Variants in TRIM39 observed in about 807,000 individuals in gnomAD.
The protein encoded by TRIM39 is tripartite motif containing 39.
Under a neutral mutation model 53.6 loss-of-function variants are expected in TRIM39, and 5 were observed. The observed-to-expected ratio is 0.09, with a 90% CI of 0.05 to 0.20. TRIM39 has a LOEUF of 0.20. TRIM39 is among the 10% of genes least tolerant of loss of function. TRIM39 has a pLI of 1.00. For synonymous variants in TRIM39, 196 were observed against 237.6 expected (o/e 0.82, Z 1.61); for missense variants, 310 against 621.0 (o/e 0.50, Z 5.32).
At chr6:30,340,032 A>G in intron 6 of TRIM39, 102 bp downstream of exon 6, 2 of 1,564,132 alleles carry the variant, frequency 1.3e-6, no homozygotes, top group African/African-American at 1.4e-5. Context: ...AAAGTCATGT[A>G]GTGTGTCTGG....
intron 1 of TRIM39, among the ~76,000 whole-genome samples, chr6:30,328,237 C>A (rs1370147536): frequency 4.6e-5 from 7 of 152,230 alleles, no homozygotes; most frequent in African/African-American, 1.7e-4. Flanking sequence ...TTATCAATAG[C>A]TATATTGAAA....
At position 30,342,313 on chromosome 6, in the gene TRIM39, T is replaced by G; in HGVS notation, c.*54T>G. 1 of 1,566,096 alleles carries G rather than the reference T, an allele frequency of 6.4e-7. No individual in the cohort carries two copies. Among genetic ancestry groups the G allele is most frequent in the South Asian group, 1.2e-5 (1 of 85,448 alleles). The stretch of plus-strand genomic sequence containing the variant: ...GAGGCAGGGTCAAGTGCTACGGGCC[T>G]CCTTCCCGTGTCCTGCTGGAACGTC... On this transcript the variant is annotated 3_prime_UTR_variant, in exon 8 of 8. Coordinates refer to ENST00000396551, the Ensembl canonical transcript of TRIM39. This position sits in a 1 kb window ranked among gnomAD's most constrained non-coding sequence, Gnocchi z 4.7.
chr6:30,329,291 T>A lies in TRIM39; in HGVS notation c.-7-20T>A. ...CCAATTAATATTTTTATTTTCTCTGTCCTCTTCCCCACTCCCAAGTTAAAT... is the reference window on the plus strand; with the variant it reads ...CCAATTAATATTTTTATTTTCTCTGACCTCTTCCCCACTCCCAAGTTAAAT... On this transcript the variant is annotated intron_variant, in intron 2 of 7. Coordinates refer to ENST00000396551, the Ensembl canonical transcript of TRIM39. 1 of 1,589,984 alleles carries A rather than the reference T, an allele frequency of 6.3e-7. No individual in the cohort carries two copies. The highest frequency in any genetic ancestry group is 8.6e-7 in the Non-Finnish European group (1 of 1,169,286).
rs1786790335 is a variant in TRIM39 at position 30,335,884 on chromosome 6, C to T, written c.689C>T (p.Ala230Val). 6.2e-7 allele frequency: 1 copy of T among 1,613,082 alleles called. No homozygotes were observed. The highest frequency in any genetic ancestry group is 1.3e-5 in the African/African-American group (1 of 75,052). Reference sequence around the variant, plus strand: ...ATTCTGCAGCGACTCCGAGAAAATGCTGCTCACCTTGGGGACAAGCGCCGG... The same window carrying T: ...ATTCTGCAGCGACTCCGAGAAAATGTTGCTCACCTTGGGGACAAGCGCCGG... The change falls in exon 5 of 8, where the codon GCT becomes GTT. Residue 230 changes from alanine (A) to valine (V), a missense_variant. This residue lies in a region of TRIM39 where 161 missense variants were observed against 210.0 expected (regional missense o/e 0.77). Coordinates refer to ENST00000396551, the Ensembl canonical transcript of TRIM39. This position sits in a 1 kb window ranked among gnomAD's most constrained non-coding sequence, Gnocchi z 4.7.
At chr6:30,329,446 G>A (rs1304863822) in exon 3 of TRIM39, 3 of 1,612,968 alleles carry the variant, frequency 1.9e-6, no homozygotes, top group Non-Finnish European at 2.5e-6. Context: ...TCATCATTGA[G>A]TGTGGGCACA....
intron 7 of TRIM39, 127 bp from the exon 8 acceptor site, chr6:30,341,585 A>G: frequency 7.1e-7 from 1 of 1,408,466 alleles, no homozygotes; most frequent in South Asian, 1.4e-5. Context: ...GAGAAAGTTA[A>G]CCAAACCAGG....
chr6:30,339,837 G>A lies in TRIM39; in HGVS notation c.781-71G>A. ...TATAGCTGTGGAACTTTGGGGAGGA[G>A]GGGGAACCTTTTGCCTTCAGGACCA... On this transcript the variant is annotated intron_variant, in intron 5 of 7. Transcript: ENST00000396551. This position sits in a 1 kb window ranked among gnomAD's most constrained non-coding sequence, Gnocchi z 4.2. 3 of 1,605,132 alleles carry A rather than the reference G, an allele frequency of 1.9e-6. No homozygotes were observed. The highest frequency in any genetic ancestry group is 2.6e-6 in the Non-Finnish European group (3 of 1,173,270).
intron 4 of TRIM39, among the ~76,000 whole-genome samples, chr6:30,331,975 A>T (rs1460636112): frequency 6.6e-6 from 1 of 152,218 alleles, no homozygotes; most frequent in Non-Finnish European, 1.5e-5. Flanking sequence ...CTTAGAGTTC[A>T]GGCCAAATTG....
chr6:30,341,520 C>G, intron 7 of TRIM39, 192 bp from the exon 8 acceptor site: 5 of 861,324 alleles, frequency 5.8e-6, no homozygotes, highest in Non-Finnish European at 9.6e-6. Flanking sequence ...ACTTTAGGGT[C>G]AGGGTGAGAA....
intron 1 of TRIM39, chr6:30,327,835 T>G (rs2127380995): frequency 6.6e-6 from 1 of 152,336 alleles, no homozygotes; most frequent in Non-Finnish European, 1.5e-5. Context: ...TCCAAAGAAG[T>G]TATCAGTTCC....
chr6:30,340,662 A>G (rs1003454172), intron 7 of TRIM39, 42 bp downstream of exon 7: 2 of 1,586,510 alleles, frequency 1.3e-6, no homozygotes, highest in African/African-American at 2.7e-5. Context: ...ACCACTAGAG[A>G]GAAGAAAGTT....
Position 30,342,468 on chromosome 6 carries a change from T to G in TRIM39, c.*209T>G. 1 of 608,046 alleles carries G rather than the reference T, an allele frequency of 1.6e-6. No homozygotes were observed. The highest frequency in any genetic ancestry group is 2.9e-6 in the Non-Finnish European group (1 of 346,602). The allele number at this position is 608,046 out of a possible 1,614,324, so 37.7% of individuals were successfully genotyped here. A position where few individuals can be genotyped will look rare whatever the true frequency, so the allele number is the denominator to read the frequency against. ...CACAGCTGTGACTTCCTCCTAACTGTCAGGGTGGGGAGCTGGTTCCCAGAG... is the reference window on the plus strand; with the variant it reads ...CACAGCTGTGACTTCCTCCTAACTGGCAGGGTGGGGAGCTGGTTCCCAGAG... On this transcript the variant is annotated 3_prime_UTR_variant, in exon 8 of 8. Coordinates refer to ENST00000396551, the Ensembl canonical transcript of TRIM39. The surrounding 1 kb of genome is among the most constrained non-coding windows in gnomAD (Gnocchi z 4.7).
Position 30,335,740 on chromosome 6 carries a change from C to T in TRIM39, c.550-5C>T, listed in dbSNP as rs759652467. ...GCTGATACAACATCTTCCCTCTCTT[C>T]TCAGAGACTAGTGGAAAGTCGCCGA... On this transcript the variant is annotated splice_region_variant and splice_polypyrimidine_tract_variant and intron_variant, in intron 4 of 7. Transcript: ENST00000396551. This position sits in a 1 kb window ranked among gnomAD's most constrained non-coding sequence, Gnocchi z 4.7. 6.2e-7 allele frequency: 1 copy of T among 1,612,460 alleles called. No individual in the cohort carries two copies. The highest frequency in any genetic ancestry group is 1.7e-4 in the Middle Eastern group (1 of 6,054).
exon 3 of TRIM39, chr6:30,329,544 G>A (rs1474816612): frequency 6.2e-7 from 1 of 1,613,068 alleles, no homozygotes; most frequent in Non-Finnish European, 8.5e-7. Flanking sequence ...TCCCGCTACC[G>A]CAGTCTCCGA....
chr6:30,331,294 A>C (rs1031802712), intron 4 of TRIM39, among the ~76,000 whole-genome samples: 4 of 56,188 alleles, frequency 7.1e-5, no homozygotes, highest in Admixed American at 2.1e-4. Flanking sequence ...ACAAACAAAA[A>C]AAAAAAGAAC....
chr6:30,336,019 G>A (rs370507387), intron 5 of TRIM39, 44 bp downstream of exon 5: 102 of 1,606,652 alleles, frequency 6.3e-5, no homozygotes, highest in Admixed American at 5.9e-4. Flanking sequence ...TGAGTGCAGC[G>A]TAGCTTTGCG....
Position 30,342,159 on chromosome 6 carries a change from C to CT in TRIM39, c.1371dup (p.Thr458TyrfsTer2). Reference sequence around the variant, plus strand: ...TCTCATATCTACACCTTCACTGATACTTTTACTGAGAAACTTTGGCCCCTC... The same window carrying CT: ...TCTCATATCTACACCTTCACTGATACTTTTTACTGAGAAACTTTGGCCCCTC... On this transcript the variant is annotated frameshift_variant, in exon 8 of 8. Coordinates refer to ENST00000396551, the Ensembl canonical transcript of TRIM39. LOFTEE classifies it high-confidence loss of function. This position sits in a 1 kb window ranked among gnomAD's most constrained non-coding sequence, Gnocchi z 4.7. 6.2e-7 allele frequency: 1 copy of CT among 1,613,076 alleles called. No homozygotes were observed. Among genetic ancestry groups the CT allele is most frequent in the Non-Finnish European group, 8.5e-7 (1 of 1,180,044 alleles).
At chr6:30,330,716 T>G in intron 3 of TRIM39, 65 bp from the exon 4 acceptor site, 2 of 1,534,752 alleles carry the variant, frequency 1.3e-6, no homozygotes, top group Non-Finnish European at 8.9e-7. Context: ...TGGTTTAATC[T>G]CTGAATGGTA....
intron 4 of TRIM39, among the ~76,000 whole-genome samples, chr6:30,331,697 A>G (rs1786197489): frequency 6.6e-6 from 1 of 152,230 alleles, no homozygotes; most frequent in Admixed American, 6.5e-5. Context: ...ATCCTCCACC[A>G]TAGGATCTTA....
Sources: allele counts gnomAD v4.1 joint callset (sites outside exome capture counted in the v4.1 genomes callset), GRCh38; gene constraint gnomAD v4.1.1; regional missense constraint gnomAD v4.1.1; non-coding constraint Gnocchi (gnomAD v3.1); transcripts MANE v1.5; gene names NCBI Gene and HGNC (gene_info 2026-07-23, HGNC 2026-07-21).